The following COL4A5 variants were observed in gnomAD, a reference collection of about 807,000 sequenced individuals.
COL4A5 encodes the protein collagen alpha-5(IV) chain.
A neutral mutation model predicts 130.2 loss-of-function variants in COL4A5; 26 were observed. That is an observed-to-expected ratio of 0.20 (90% CI 0.15 to 0.28). The LOEUF (loss-of-function observed/expected upper bound fraction) is 0.28, where lower values mean the gene tolerates loss of function less well. Among genes scored for constraint, COL4A5 ranks in the 10% least tolerant of loss-of-function variants. The pLI, the probability that COL4A5 is intolerant of heterozygous loss-of-function variation, is 1.00. For missense variants in COL4A5, 1,131 were observed against 1,344.3 expected (o/e 0.84, Z 2.48); for synonymous variants, 496 against 439.6 (o/e 1.13, Z -1.60).
At chrX:108,547,330 C>G (rs2065674665) in intron 2 of COL4A5, among the ~76,000 whole-genome samples, 1 of 112,121 alleles carries the variant, frequency 8.9e-6, no homozygotes, top group Admixed American at 9.4e-5. Context: ...TTCTAACAGT[C>G]AGGACCCTCA....
chrX:108,491,041 C>T (rs2064989035), intron 1 of COL4A5, among the ~76,000 whole-genome samples: 1 of 111,849 alleles, frequency 8.9e-6, no homozygotes, highest in Non-Finnish European at 1.9e-5. Context: ...TTTCTTTATC[C>T]AGTCTGTCAC....
intron 1 of COL4A5, among the ~76,000 whole-genome samples, chrX:108,501,004 A>G (rs2065075186): frequency 9.0e-6 from 1 of 111,050 alleles, no homozygotes. Context: ...TTTATTAGGT[A>G]TAGGGTGAAA....
intron 2 of COL4A5, among the ~76,000 whole-genome samples, chrX:108,542,525 G>C (rs2065561483): frequency 9.0e-6 from 1 of 110,790 alleles, no homozygotes; most frequent in South Asian, 3.8e-4. Flanking sequence ...CATTTGGGTT[G>C]GTTCCAAGTC....
chrX:108,680,870 G>A lies in COL4A5; in HGVS notation c.4016-15G>A, dbSNP rs762457066. The A allele has an allele frequency of 5.7e-5, 69 of 1,206,751 alleles. No homozygotes were observed. Among genetic ancestry groups the A allele is most frequent in the Non-Finnish European group, 7.5e-5 (67 of 892,650 alleles). Reference sequence around the variant, plus strand: ...CTGTTGCTTTGCCATAAAACTGTATGTACCTTCTGTGCAGGCATGAAAGGA... The same window carrying A: ...CTGTTGCTTTGCCATAAAACTGTATATACCTTCTGTGCAGGCATGAAAGGA... On this transcript the variant is annotated splice_polypyrimidine_tract_variant and intron_variant, in intron 45 of 52. Coordinates refer to ENST00000328300, the MANE Select transcript of COL4A5 (RefSeq NM_033380.3).
intron 1 of COL4A5, among the ~76,000 whole-genome samples, chrX:108,463,539 A>T (rs1339407607): frequency 4.5e-5 from 5 of 111,396 alleles, no homozygotes; most frequent in African/African-American, 1.6e-4. Flanking sequence ...TGAAGAAAGG[A>T]TGTAGATTTT....
intron 1 of COL4A5, among the ~76,000 whole-genome samples, chrX:108,498,124 TTAAAG>T (rs1490438545): frequency 1.8e-5 from 2 of 111,972 alleles, no homozygotes; most frequent in Non-Finnish European, 3.8e-5. Flanking sequence ...TCTAGAAACT[TTAAAG>T]TATTTTATAT....
intron 36 of COL4A5, among the ~76,000 whole-genome samples, chrX:108,647,981 G>T (rs1203816042): frequency 1.8e-5 from 2 of 111,347 alleles, no homozygotes; most frequent in Non-Finnish European, 3.8e-5. Flanking sequence ...GATTTGGTTT[G>T]CCAGTATTTT....
intron 29 of COL4A5, among the ~76,000 whole-genome samples, chrX:108,608,935 C>T (rs376182894): frequency 9.0e-6 from 1 of 111,432 alleles, no homozygotes; most frequent in Non-Finnish European, 1.9e-5. Flanking sequence ...TCTGAGGCTT[C>T]TTTCACTCAA....
chrX:108,520,744 C>A (rs1161494581), intron 1 of COL4A5, among the ~76,000 whole-genome samples: 2 of 111,385 alleles, frequency 1.8e-5, no homozygotes, highest in African/African-American at 6.5e-5. Context: ...TTTTTGATAT[C>A]TCTGATGAAT....
chrX:108,665,686 C>A, intron 38 of COL4A5, 99 bp downstream of exon 38: 1 of 594,407 alleles, frequency 1.7e-6, no homozygotes, highest in Non-Finnish European at 2.8e-6. Context: ...ACATTTTCAA[C>A]ACAAGGAAAT....
intron 44 of COL4A5, among the ~76,000 whole-genome samples, chrX:108,678,371 C>T (rs749434236): frequency 1.1e-4 from 12 of 111,381 alleles, no homozygotes; most frequent in Admixed American, 1.9e-4. Flanking sequence ...TTCCAGTTAC[C>T]TAGACTTAAA....
intron 1 of COL4A5, among the ~76,000 whole-genome samples, chrX:108,456,481 G>T (rs2064586041): frequency 9.0e-6 from 1 of 111,631 alleles, no homozygotes; most frequent in African/African-American, 3.3e-5. Flanking sequence ...TTTGGATTTT[G>T]TATGTATACA....
chrX:108,549,917 G>A (rs2065725043), intron 2 of COL4A5, among the ~76,000 whole-genome samples: 1 of 111,402 alleles, frequency 9.0e-6, no homozygotes, highest in Non-Finnish European at 1.9e-5. Flanking sequence ...CAGCTTAGGT[G>A]AAATGGACAA....
intron 36 of COL4A5, among the ~76,000 whole-genome samples, chrX:108,640,299 T>G (rs752571723): frequency 9.0e-6 from 1 of 111,488 alleles, no homozygotes; most frequent in African/African-American, 3.3e-5. Context: ...AAAAGACAAA[T>G]ATTACATGAC....
chrX:108,482,571 C>G (rs1288398593), intron 1 of COL4A5, among the ~76,000 whole-genome samples: 1 of 111,229 alleles, frequency 9.0e-6, no homozygotes, highest in East Asian at 2.8e-4. Context: ...TCAGGGTCTC[C>G]CCACACATCC....
intron 43 of COL4A5, 113 bp from the exon 44 acceptor site, chrX:108,677,387 T>C: frequency 8.6e-6 from 6 of 696,667 alleles, no homozygotes; most frequent in Non-Finnish European, 1.3e-5. Context: ...TTTAATGTTG[T>C]GTGGGTTTTA....
intron 28 of COL4A5, among the ~76,000 whole-genome samples, chrX:108,604,403 T>C (rs1187483196): frequency 4.5e-5 from 5 of 112,104 alleles, no homozygotes; most frequent in Non-Finnish European, 1.9e-5. Flanking sequence ...CTAGGTGCAT[T>C]GTAAATGAGC....
Position 108,654,527 on chromosome X carries a change from C to G in COL4A5, c.3247-804C>G, listed in dbSNP as rs764142794. On this transcript the variant is annotated intron_variant, in intron 36 of 52. Coordinates refer to ENST00000328300, the MANE Select transcript of COL4A5 (RefSeq NM_033380.3). ...GTGGCATGATCACGGCTCAATATAG[C>G]CTTGACCTCATAGGCTGAAGCCATC... 2.7e-5 allele frequency among the ~76,000 whole-genome samples: 3 copies of G among 112,728 alleles called. No homozygotes were observed. The South Asian group carries it at 1.1e-3, about 41-fold the overall frequency.
intron 48 of COL4A5, 65 bp downstream of exon 48, chrX:108,686,194 T>C (rs931383492): frequency 4.7e-6 from 4 of 851,553 alleles, no homozygotes; most frequent in Non-Finnish European, 6.9e-6. Context: ...CCTCTGGACA[T>C]AGGGCCTCCA....
Sources: gnomAD v4.1 joint callset for allele counts (sites outside exome capture counted in the v4.1 genomes callset) on GRCh38, gnomAD v4.1.1 for gene constraint, MANE v1.5 for transcripts, NCBI Gene and HGNC (gene_info 2026-07-23, HGNC 2026-07-21) for gene names.